ENAM: variants seen among roughly 807,000 people sequenced by gnomAD.
ENAM encodes the protein amelogenesis imperfecta 2, hypocalcification (autosomal dominant).
ENAM carries 21 observed loss-of-function variants against 33.6 expected under a neutral mutation model. The observed-to-expected ratio is 0.63, with a 90% CI of 0.44 to 0.90. The LOEUF (loss-of-function observed/expected upper bound fraction) is 0.90. Among genes scored for constraint, ENAM ranks in the 40% least tolerant of loss-of-function variants. ENAM has a pLI of 0.00. For synonymous variants in ENAM, 473 were observed against 468.4 expected, an observed-to-expected ratio of 1.01 and a Z score of -0.13; for missense variants, 1,388 against 1,366.9, an observed-to-expected ratio of 1.02 and a Z score of -0.24.
Position 70,643,723 on chromosome 4 carries a change from G to A in ENAM, c.2297G>A (p.Trp766Ter). The A allele has an allele frequency of 6.2e-7, 1 of 1,614,096 alleles. No homozygotes were observed. ...ACTCTATTTCCTTCACGGAATTCCTGGGACCACAGGATACAAGCCCAAGGG... is the reference window on the plus strand; with the variant it reads ...ACTCTATTTCCTTCACGGAATTCCTAGGACCACAGGATACAAGCCCAAGGG... ...ESTLFPSRNS[W>*]DHRIQAQGQR... Residue 766 changes from tryptophan to a stop codon, truncating the protein, a stop_gained, in exon 9 of 9, where the codon TGG becomes TAG. Transcript: ENST00000396073. LOFTEE classifies it low-confidence loss of function (END_TRUNC).
Position 70,645,202 on chromosome 4 carries a change from A to C in ENAM, c.*347A>C. 2.1e-6 allele frequency: 1 copy of C among 465,196 alleles called. No individual in the cohort carries two copies. The highest frequency in any genetic ancestry group is 3.3e-5 in the South Asian group (1 of 30,572). 28.8% of individuals were successfully genotyped at this position (465,196 alleles called of 1,614,324 possible). A position where few individuals can be genotyped will look rare whatever the true frequency, so the allele number is the denominator to read the frequency against. On this transcript the variant is annotated 3_prime_UTR_variant, in exon 9 of 9. Coordinates refer to ENST00000396073, the MANE Select transcript of ENAM (RefSeq NM_031889.3). ...TCCATACTTGCAAAATTGGTTTTTC[A>C]AGACTGAAAGGCAGATTAACTTTCC...
In ENAM at chr4:70,643,202, T is replaced by C; in HGVS notation, c.1776T>C (p.His592=). The C allele has an allele frequency of 6.2e-7, 1 of 1,613,856 alleles. No individual in the cohort carries two copies. Among genetic ancestry groups the C allele is most frequent in the Non-Finnish European group, 8.5e-7 (1 of 1,179,940 alleles). The change falls in exon 9 of 9, where the codon CAT becomes CAC. Residue 592 remains histidine (H), a synonymous_variant. Coordinates refer to ENST00000396073, the MANE Select transcript of ENAM (RefSeq NM_031889.3). ...RQEEHLPHPS[H]GSRGSVFYPE... Reference sequence around the variant, plus strand: ...AAGAACATTTACCCCATCCTTCCCATGGTTCTAGAGGAAGTGTTTTCTACC... The same window carrying C: ...AAGAACATTTACCCCATCCTTCCCACGGTTCTAGAGGAAGTGTTTTCTACC...
intron 5 of ENAM, among the ~76,000 whole-genome samples, chr4:70,633,973 C>T (rs530357442): frequency 3.9e-5 from 6 of 152,088 alleles, no homozygotes; most frequent in South Asian, 2.1e-4. Flanking sequence ...GTTCTGAATA[C>T]GACATTAAAT....
chr4:70,631,106 C>A (rs1481689185), intron 2 of ENAM, among the ~76,000 whole-genome samples: 1 of 151,892 alleles, frequency 6.6e-6, no homozygotes, highest in Non-Finnish European at 1.5e-5. Flanking sequence ...ATAGAGGAAA[C>A]CAGGAAAAAA....
rs1738716217 is a variant in ENAM at position 70,644,821 on chromosome 4, A to T, written c.3395A>T (p.Asp1132Val). 1 of 1,613,972 alleles carries T rather than the reference A, an allele frequency of 6.2e-7. No homozygotes were observed. The highest frequency in any genetic ancestry group is 8.5e-7 in the Non-Finnish European group (1 of 1,179,962). Residue 1132 changes from aspartate (D) to valine (V), a missense_variant, in exon 9 of 9, where the codon GAC becomes GTC. By Grantham distance (152) the Asp-to-Val change is radical (BLOSUM62 -3). Transcript: ENST00000396073. ...EFLQRGTNVQDQVQDCLLLQA is the reference protein window; with the variant it reads ...EFLQRGTNVQVQVQDCLLLQA Reference sequence around the variant, plus strand: ...CTTCAAAGAGGGACCAATGTACAGGACCAGGTACAAGACTGCTTACTACTT... The same window carrying T: ...CTTCAAAGAGGGACCAATGTACAGGTCCAGGTACAAGACTGCTTACTACTT...
At position 70,645,851 on chromosome 4, in the gene ENAM, A is replaced by G. The variant is rs967954710; in HGVS notation, c.*996A>G. On this transcript the variant is annotated 3_prime_UTR_variant, in exon 9 of 9. Coordinates refer to ENST00000396073, the MANE Select transcript of ENAM (RefSeq NM_031889.3). ...TTCAGTTAGAGAGACGTATTTAAGG[A>G]GAAGGGAAGGCAGGATACCCAGAAC... 3 of 152,206 alleles carry G rather than the reference A, an allele frequency of 2.0e-5. No individual in the cohort carries two copies. The highest frequency in any genetic ancestry group is 4.4e-5 in the Non-Finnish European group (3 of 68,044). The allele number at this position is 152,206 out of a possible 1,614,324, so 9.4% of individuals were successfully genotyped here. A position where few individuals can be genotyped will look rare whatever the true frequency, so the allele number is the denominator to read the frequency against.
chr4:70,632,789 GT>G (rs1738358094), intron 5 of ENAM, 97 bp downstream of exon 5: 2 of 861,350 alleles, frequency 2.3e-6, no homozygotes, highest in Non-Finnish European at 4.0e-6. Flanking sequence ...CAATCCACAT[GT>G]TTTAAGTATA....
Position 70,633,364 on chromosome 4 carries a change from A to G in ENAM, c.210+672A>G, listed in dbSNP as rs147301334. 5.7e-3 allele frequency among the ~76,000 whole-genome samples: 860 copies of G among 152,176 alleles called. 10 individuals are homozygous for G. Among genetic ancestry groups the G allele is most frequent in the African/African-American group, 0.02 (830 of 41,520 alleles). On this transcript the variant is annotated intron_variant, in intron 5 of 8. Coordinates refer to ENST00000396073, the MANE Select transcript of ENAM (RefSeq NM_031889.3). Reference sequence around the variant, plus strand: ...CTCTTTGCCTAAAATAATCATTGTAAATTTCCTCTTCCTCAACTTTTGATT... The same window carrying G: ...CTCTTTGCCTAAAATAATCATTGTAGATTTCCTCTTCCTCAACTTTTGATT...
In ENAM at chr4:70,642,242, C is replaced by T. The variant is rs755909357; in HGVS notation, c.816C>T (p.Asn272=). ...GAAATGACACCAGCCCCACAGGAAA[C>T]AGTACCCCAGGACTAAACACTGGGA... ...QGGNDTSPTG[N]STPGLNTGNN... The change falls in exon 9 of 9, where the codon AAC becomes AAT. Residue 272 remains asparagine (N), a synonymous_variant. Coordinates refer to ENST00000396073, the MANE Select transcript of ENAM (RefSeq NM_031889.3). The T allele has an allele frequency of 1.2e-6, 2 of 1,614,124 alleles. No homozygotes were observed. Among genetic ancestry groups the T allele is most frequent in the Admixed American group, 1.7e-5 (1 of 60,012 alleles).
chr4:70,629,839 A>G (rs1369491077), intron 2 of ENAM, among the ~76,000 whole-genome samples: 1 of 152,186 alleles, frequency 6.6e-6, no homozygotes, highest in Non-Finnish European at 1.5e-5. Flanking sequence ...TAATTTTACA[A>G]AAGAGAAAAT....
Position 70,634,550 on chromosome 4 carries a change from G to A in ENAM, c.453G>A (p.Glu151=). The A allele has an allele frequency of 6.2e-7, 1 of 1,614,106 alleles. No individual in the cohort carries two copies. Among genetic ancestry groups the A allele is most frequent in the South Asian group, 1.1e-5 (1 of 91,078 alleles). The stretch of plus-strand genomic sequence containing the variant: ...CACATAATCAACCTCAGCCCGAAGA[G>A]GAAGCTCAACCCCCTCAGGTGAGAC... ...QPSHNQPQPE[E]EAQPPQAFPP... is the part of the protein sequence containing the mutation. Residue 151 remains glutamate (E), a synonymous_variant, in exon 6 of 9, where the codon GAG becomes GAA. Transcript: ENST00000396073.
chr4:70,637,892 G>A (rs561295538), intron 8 of ENAM, 49 bp downstream of exon 8: 109 of 1,386,046 alleles, frequency 7.9e-5, no homozygotes, highest in Non-Finnish European at 1.1e-4. Context: ...CAATCCATTC[G>A]CCCCTGCTTT....
rs1247652995 is a variant in ENAM, at chr4:70,643,856, C to T, written c.2430C>T (p.Tyr810=). The change falls in exon 9 of 9, where the codon TAC becomes TAT. Residue 810 remains tyrosine (Y), a synonymous_variant. Coordinates refer to ENST00000396073, the MANE Select transcript of ENAM (RefSeq NM_031889.3). The stretch of plus-strand genomic sequence containing the variant: ...ACCAGAAAGGTAACCAGCCCTATTA[C>T]AGTAACACCCCAGCTGGGCTTCAGA... The part of the protein sequence containing the change: ...PPDQKGNQPY[Y]SNTPAGLQKN... The T allele has an allele frequency of 1.1e-5, 18 of 1,614,188 alleles. No homozygotes were observed. Among genetic ancestry groups the T allele is most frequent in the Middle Eastern group, 1.6e-4 (1 of 6,062 alleles).
At position 70,628,806 on chromosome 4, in the gene ENAM, T is replaced by A. The variant is rs1370715420; in HGVS notation, c.-219T>A. On this transcript the variant is annotated 5_prime_UTR_variant, in exon 1 of 9. Coordinates refer to ENST00000396073, the MANE Select transcript of ENAM (RefSeq NM_031889.3). ...TCTGAGTGAAGAATTTTTGTTTTAT[T>A]ATTAAGAAATAAATGTATCTTGCTT... The A allele has an allele frequency of 6.6e-6, 1 of 152,150 alleles. No homozygotes were observed. The highest frequency in any genetic ancestry group is 6.5e-5 in the Admixed American group (1 of 15,270). The allele number at this position is 152,150 out of a possible 1,614,324, so 9.4% of individuals were successfully genotyped here.
In ENAM at chr4:70,632,685, G is replaced by T; in HGVS notation, c.203G>T (p.Gly68Val). The T allele has an allele frequency of 1.3e-6, 2 of 1,598,898 alleles. No individual in the cohort carries two copies. The highest frequency in any genetic ancestry group is 1.7e-6 in the Non-Finnish European group (2 of 1,166,500). ...MRYNQFNFMN[G>V]PHMAHLGPFF... is the part of the protein sequence containing the mutation. ...TATAATCAATTCAACTTTATGAACG[G>T]CCCACATGTAAGTTTTTCTTTATGT... Residue 68 changes from glycine to valine, a missense_variant, in exon 5 of 9, where the codon GGC becomes GTC. Physicochemically the swap from Gly to Val is moderately radical, Grantham distance 109. Transcript: ENST00000396073.
In ENAM at chr4:70,643,338, T is replaced by A; in HGVS notation, c.1912T>A (p.Tyr638Asn). The A allele has an allele frequency of 6.2e-7, 1 of 1,613,996 alleles. No homozygotes were observed. Reference sequence around the variant, plus strand: ...TATGGGGCAAAAAGAAAGTCCACTCTACCCCATAAATACCCCAGACCAGAA... The same window carrying A: ...TATGGGGCAAAAAGAAAGTCCACTCAACCCCATAAATACCCCAGACCAGAA... ...NTMGQKESPL[Y>N]PINTPDQKEI... The change falls in exon 9 of 9, where the codon TAC (tyrosine) becomes AAC (asparagine). Residue 638 changes from tyrosine (Y) to asparagine (N), a missense_variant. Transcript: ENST00000396073.
rs1738238963 is a variant in ENAM, at chr4:70,628,821, G to A, written c.-204G>A. 1 of 152,072 alleles carries A rather than the reference G, an allele frequency of 6.6e-6. No individual in the cohort carries two copies. 9.4% of individuals were successfully genotyped at this position (152,072 alleles called of 1,614,324 possible). The stretch of plus-strand genomic sequence containing the variant: ...TTTGTTTTATTATTAAGAAATAAAT[G>A]TATCTTGCTTCTTGAGATCTCCCTG... On this transcript the variant is annotated 5_prime_UTR_variant, in exon 1 of 9. An upstream start codon of the reference 5' UTR is lost. Coordinates refer to ENST00000396073, the MANE Select transcript of ENAM (RefSeq NM_031889.3).
rs1560404493 is a variant in ENAM, at chr4:70,642,953, A to G, written c.1527A>G (p.Gly509=). ...GDSRKVPNSD[G]QTQSQNLPKG... is the part of the protein sequence containing the mutation. ...CCAGAAAAGTCCCAAATTCTGATGG[A>G]CAAACCCAAAGCCAGAATTTGCCCA... Residue 509 remains glycine, a synonymous_variant, in exon 9 of 9, where the codon GGA becomes GGG. Transcript: ENST00000396073. 1.2e-6 allele frequency: 2 copies of G among 1,614,164 alleles called. No individual in the cohort carries two copies. The highest frequency in any genetic ancestry group is 1.3e-5 in the African/African-American group (1 of 75,058).
intron 4 of ENAM, 145 bp from the exon 5 acceptor site, chr4:70,632,506 T>C (rs1013064075): frequency 2.6e-6 from 2 of 755,192 alleles, no homozygotes; most frequent in African/African-American, 1.7e-5. Context: ...AAAGGTGATA[T>C]GACTGTTGTG....
Sources: allele counts gnomAD v4.1 joint callset (sites outside exome capture counted in the v4.1 genomes callset), GRCh38; gene constraint gnomAD v4.1.1; transcripts MANE v1.5; gene names NCBI Gene and HGNC (gene_info 2026-07-23, HGNC 2026-07-21).